Variants in S100A8 observed in about 807,000 individuals in gnomAD.
The protein encoded by S100A8 is S100 calcium binding protein A8.
Under a neutral mutation model 4.2 loss-of-function variants are expected in S100A8, and 1 was observed. The ratio of observed to expected loss-of-function variants is 0.24; its 90% CI spans 0.08 to 1.12. S100A8 has a LOEUF of 1.12. Among genes scored for constraint, S100A8 ranks in the 50% most tolerant of loss-of-function variants. The probability of loss-of-function intolerance (pLI) is 0.53; values close to 1 mark genes in which losing one functional copy is unlikely to be tolerated. For missense variants in S100A8, 96 were observed against 111.8 expected (o/e 0.86, Z 0.64); for synonymous variants, 41 against 44.7 (o/e 0.92, Z 0.33).
chr1:153,390,077 C>A lies in S100A8; in HGVS notation c.*26G>T, dbSNP rs1379651127. 4 of 1,598,254 alleles carry A rather than the reference C, an allele frequency of 2.5e-6. No individual in the cohort carries two copies. On this transcript the variant is annotated 3_prime_UTR_variant, in exon 3 of 3. Transcript: ENST00000368733. ...TATTCTGCAGGTACATGTCCAGGGGCCCAGCCTCTGGGCCCAGTAACTCAG... is the reference window on the plus strand; with the variant it reads ...TATTCTGCAGGTACATGTCCAGGGGACCAGCCTCTGGGCCCAGTAACTCAG...
upstream of S100A8, among the ~76,000 whole-genome samples, chr1:153,395,058 G>A (rs923236114): frequency 9.9e-5 from 15 of 152,116 alleles, no homozygotes; most frequent in Non-Finnish European, 1.8e-4. Flanking sequence ...GAGAGGAAAA[G>A]GAAAAAGAAA....
At chr1:153,396,121 C>T in the S100A8 span, among the ~76,000 whole-genome samples, 1 of 152,206 alleles carries the variant, frequency 6.6e-6, no homozygotes. Flanking sequence ...GATAGGGCCC[C>T]CTGGAATCAG....
the S100A8 span, chr1:153,416,417 G>C: frequency 3.3e-6 from 1 of 298,982 alleles, no homozygotes; most frequent in Non-Finnish European, 6.7e-6. Context: ...ACCTGATATG[G>C]GACAAGCCTC....
the S100A8 span, among the ~76,000 whole-genome samples, chr1:153,412,998 C>T: frequency 8.9e-4 from 135 of 151,996 alleles, no homozygotes; most frequent in Non-Finnish European, 1.6e-3. Flanking sequence ...GTTGGGGCAG[C>T]GGGGAGAGAT....
At chr1:153,399,399 G>T in the S100A8 span, among the ~76,000 whole-genome samples, 4 of 152,150 alleles carry the variant, frequency 2.6e-5, no homozygotes, top group Admixed American at 6.6e-5. Flanking sequence ...ATCACAAAAG[G>T]TCCCATTATC....
chr1:153,399,270 A>G, the S100A8 span, among the ~76,000 whole-genome samples: 1 of 152,196 alleles, frequency 6.6e-6, no homozygotes, highest in Admixed American at 6.5e-5. Context: ...GTCCTTCAGG[A>G]GCAGGACTGA....
At chr1:153,397,346 C>G in the S100A8 span, among the ~76,000 whole-genome samples, 1 of 152,152 alleles carries the variant, frequency 6.6e-6, no homozygotes, top group Non-Finnish European at 1.5e-5. Flanking sequence ...GGTCAGCATG[C>G]GAACCTCTGA....
the S100A8 span, among the ~76,000 whole-genome samples, chr1:153,413,494 G>A: frequency 6.6e-6 from 1 of 152,200 alleles, no homozygotes; most frequent in Admixed American, 6.5e-5. Context: ...ACTCTGTTGA[G>A]TTCCTGGGCA....
upstream of S100A8, among the ~76,000 whole-genome samples, chr1:153,393,301 C>T (rs1662144401): frequency 6.6e-6 from 1 of 152,216 alleles, no homozygotes. Context: ...CAAATCCTTA[C>T]CCATCACAGC....
chr1:153,399,760 G>C, the S100A8 span, among the ~76,000 whole-genome samples: 1 of 152,144 alleles, frequency 6.6e-6, no homozygotes, highest in African/African-American at 2.4e-5. Flanking sequence ...AGTTGGGGGG[G>C]ACTTCCTTAG....
At chr1:153,405,143 G>C in the S100A8 span, among the ~76,000 whole-genome samples, 586 of 151,684 alleles carry the variant, frequency 3.9e-3, 3 homozygotes, top group African/African-American at 0.013. Flanking sequence ...GCCCAGCCTC[G>C]TCTTAAAATT....
the S100A8 span, among the ~76,000 whole-genome samples, chr1:153,418,559 C>T: frequency 6.6e-6 from 1 of 152,144 alleles, no homozygotes; most frequent in Non-Finnish European, 1.5e-5. Flanking sequence ...AAAGGCCCCA[C>T]ATCAACATCC....
the S100A8 span, among the ~76,000 whole-genome samples, chr1:153,405,220 G>A: frequency 5.1e-4 from 77 of 151,828 alleles, no homozygotes; most frequent in Non-Finnish European, 7.5e-4. Context: ...CTCAGGGTAC[G>A]CTTGGGTCAC....
the S100A8 span, among the ~76,000 whole-genome samples, chr1:153,417,648 T>C: frequency 6.6e-6 from 1 of 152,210 alleles, no homozygotes; most frequent in Non-Finnish European, 1.5e-5. Context: ...ACCAAGGCCA[T>C]TGTCCTGCCC....
At chr1:153,411,543 T>C in the S100A8 span, among the ~76,000 whole-genome samples, 1 of 152,172 alleles carries the variant, frequency 6.6e-6, no homozygotes, top group East Asian at 1.9e-4. Context: ...ATTGTGAAAA[T>C]GGCCATACTG....
the S100A8 span, among the ~76,000 whole-genome samples, chr1:153,400,122 A>G: frequency 1.3e-5 from 2 of 152,180 alleles, no homozygotes; most frequent in Admixed American, 6.5e-5. Flanking sequence ...CTCCCACCTC[A>G]CAACCCCCAC....
the S100A8 span, among the ~76,000 whole-genome samples, chr1:153,404,195 C>G: frequency 6.6e-6 from 1 of 152,356 alleles, no homozygotes; most frequent in Non-Finnish European, 1.5e-5. Context: ...GGCACCCCAC[C>G]TGCTCAGCAG....
At chr1:153,418,807 G>A in the S100A8 span, among the ~76,000 whole-genome samples, 1 of 152,172 alleles carries the variant, frequency 6.6e-6, no homozygotes, top group Non-Finnish European at 1.5e-5. Flanking sequence ...GAGGCCCTGG[G>A]GTAGAACTAA....
chr1:153,416,481 A>G, the S100A8 span: 1 of 402,170 alleles, frequency 2.5e-6, no homozygotes, highest in South Asian at 2.3e-5. Context: ...GGGAAGAGCC[A>G]GGCTGAGCCT....
Sources: gnomAD v4.1 joint callset for allele counts (sites outside exome capture counted in the v4.1 genomes callset) on GRCh38, gnomAD v4.1.1 for gene constraint, MANE v1.5 for transcripts, NCBI Gene and HGNC (gene_info 2026-07-23, HGNC 2026-07-21) for gene names.